LINGO2: variants seen among roughly 807,000 people sequenced by gnomAD.
LINGO2 encodes the protein leucine-rich repeat and immunoglobulin-like domain-containing nogo receptor-interacting protein 2.
In LINGO2, 14 loss-of-function variants were observed where a neutral mutation model predicts 30.6. The ratio of observed to expected loss-of-function variants is 0.46; its 90% CI spans 0.30 to 0.72. LINGO2 has a LOEUF of 0.72. Among genes scored for constraint, LINGO2 ranks in the 30% least tolerant of loss-of-function variants. The pLI, the probability that LINGO2 is intolerant of heterozygous loss-of-function variation, is 0.07. For synonymous variants in LINGO2, 317 were observed against 288.5 expected (o/e 1.10, Z -1.00); for missense variants, 729 against 751.7 (o/e 0.97, Z 0.35).
intron 2 of LINGO2, among the ~76,000 whole-genome samples, chr9:28,445,296 G>T (rs1231758940): frequency 2.0e-5 from 3 of 152,152 alleles, no homozygotes; most frequent in Admixed American, 6.5e-5. Flanking sequence ...TAGTTGCCAT[G>T]TTCCTCACAT....
At chr9:28,988,664 C>G in the LINGO2 span, among the ~76,000 whole-genome samples, 1 of 152,280 alleles carries the variant, frequency 6.6e-6, no homozygotes, top group Admixed American at 6.5e-5. Flanking sequence ...AAGACCAACA[C>G]GGGCTTCTTG....
chr9:28,777,290 A>C, the LINGO2 span, among the ~76,000 whole-genome samples: 1 of 152,232 alleles, frequency 6.6e-6, no homozygotes, highest in Non-Finnish European at 1.5e-5. Flanking sequence ...GAATAAAAAC[A>C]ATCATTATTT....
chr9:28,217,422 AAAG>A (rs1820805962), intron 4 of LINGO2, among the ~76,000 whole-genome samples: 1 of 151,990 alleles, frequency 6.6e-6, no homozygotes, highest in Non-Finnish European at 1.5e-5. Context: ...TTCACAAAAA[AAAG>A]AAAAAGAAAA....
Position 28,147,523 on chromosome 9 carries a change from C to T in LINGO2, c.-86-135118G>A, listed in dbSNP as rs963921945. Among the ~76,000 whole-genome samples, 6 of 152,080 alleles carry T rather than the reference C, an allele frequency of 3.9e-5. No individual in the cohort carries two copies. The highest frequency in any genetic ancestry group is 1.9e-4 in the East Asian group (1 of 5,154). ...CAGCACAGAGGCACTGGAGAGGCCC[C>T]GGGGGAGCCTGGCGGGATCTGGCTG... On this transcript the variant is annotated intron_variant, in intron 4 of 5. Transcript: ENST00000379992. The surrounding 1 kb of genome is among the most constrained non-coding windows in gnomAD (Gnocchi z 4.7).
intron 2 of LINGO2, among the ~76,000 whole-genome samples, chr9:28,376,932 A>G (rs181000588): frequency 3.7e-4 from 56 of 152,304 alleles, no homozygotes; most frequent in African/African-American, 1.1e-3. Flanking sequence ...ATGATGGTAT[A>G]TTTCAGCCTG....
At chr9:28,512,641 AC>A (rs1820454363) in intron 1 of LINGO2, among the ~76,000 whole-genome samples, 1 of 64,138 alleles carries the variant, frequency 1.6e-5, no homozygotes. Flanking sequence ...ATATATACAC[AC>A]ATACATACAC....
At chr9:28,124,780 A>G (rs1827192320) in intron 4 of LINGO2, among the ~76,000 whole-genome samples, 1 of 152,228 alleles carries the variant, frequency 6.6e-6, no homozygotes, top group African/African-American at 2.4e-5. Context: ...ATACAGGAAA[A>G]GAAAAACAGG....
intron 4 of LINGO2, among the ~76,000 whole-genome samples, chr9:28,095,381 G>C (rs1826214650): frequency 6.6e-6 from 1 of 152,034 alleles, no homozygotes; most frequent in South Asian, 2.1e-4. Flanking sequence ...CTTAAAAATG[G>C]AAGGGAGCCT....
chr9:29,201,744 T>C, the LINGO2 span, among the ~76,000 whole-genome samples: 1 of 152,064 alleles, frequency 6.6e-6, no homozygotes, highest in Non-Finnish European at 1.5e-5. Flanking sequence ...AATACAGGAA[T>C]GACTTTGTGT....
At chr9:28,330,389 C>G (rs1825377499) in intron 3 of LINGO2, among the ~76,000 whole-genome samples, 1 of 152,104 alleles carries the variant, frequency 6.6e-6, no homozygotes, top group Admixed American at 6.6e-5. Context: ...ACAGAGAGCT[C>G]CCATATGTCA....
At chr9:28,725,377 G>C in the LINGO2 span, among the ~76,000 whole-genome samples, 1 of 151,510 alleles carries the variant, frequency 6.6e-6, no homozygotes, top group African/African-American at 2.4e-5. Flanking sequence ...TGAAAACCAG[G>C]GAGGAATGCA....
chr9:29,065,009 G>A, the LINGO2 span, among the ~76,000 whole-genome samples: 1 of 152,072 alleles, frequency 6.6e-6, no homozygotes, highest in Non-Finnish European at 1.5e-5. Flanking sequence ...TCAAGAGAAA[G>A]GACCACAGGT....
chr9:28,292,509 C>T (rs920782784), intron 4 of LINGO2, among the ~76,000 whole-genome samples: 1 of 152,180 alleles, frequency 6.6e-6, no homozygotes, highest in African/African-American at 2.4e-5. Flanking sequence ...GTCACCCAGG[C>T]TGGAGTGCAA....
At chr9:27,961,029 A>G (rs938918736) in intron 5 of LINGO2, among the ~76,000 whole-genome samples, 8 of 152,172 alleles carry the variant, frequency 5.3e-5, no homozygotes, top group African/African-American at 1.9e-4. Flanking sequence ...AGCAATATGC[A>G]TTCAGCAGAA....
At chr9:28,992,968 A>G in the LINGO2 span, among the ~76,000 whole-genome samples, 1 of 151,554 alleles carries the variant, frequency 6.6e-6, no homozygotes, top group East Asian at 1.9e-4. Context: ...GAAAAGCAAG[A>G]GCAAACACAT....
intron 3 of LINGO2, among the ~76,000 whole-genome samples, chr9:28,334,426 C>A (rs1002193204): frequency 6.6e-6 from 1 of 151,972 alleles, no homozygotes; most frequent in African/African-American, 2.4e-5. Flanking sequence ...ATATCCACAA[C>A]GTATAGTTCA....
chr9:29,016,449 A>T, the LINGO2 span, among the ~76,000 whole-genome samples: 1,160 of 152,302 alleles, frequency 7.6e-3, 5 homozygotes, highest in Non-Finnish European at 0.011. Context: ...AGAATGTCTA[A>T]ATGTTAAAAA....
At chr9:27,939,673 T>C in the LINGO2 span, 1 of 152,250 alleles carries the variant, frequency 6.6e-6, no homozygotes, top group Non-Finnish European at 1.5e-5. Flanking sequence ...ATGAAATCCC[T>C]GCATGTATAG....
At chr9:28,237,552 T>C (rs993759362) in intron 4 of LINGO2, among the ~76,000 whole-genome samples, 1 of 152,078 alleles carries the variant, frequency 6.6e-6, no homozygotes, top group African/African-American at 2.4e-5. Flanking sequence ...CTGTTGCCTA[T>C]AAGAAACTCT....
Sources: allele counts gnomAD v4.1 joint callset (sites outside exome capture counted in the v4.1 genomes callset), GRCh38; gene constraint gnomAD v4.1.1; non-coding constraint Gnocchi (gnomAD v3.1); transcripts MANE v1.5; gene names NCBI Gene and HGNC (gene_info 2026-07-23, HGNC 2026-07-21).